Variants in PFKFB3 observed in about 807,000 individuals in gnomAD.
The protein encoded by PFKFB3 is 6-phosphofructo-2-kinase/fructose-2,6-biphosphatase 3, also known as 6-phosphofructo-2-kinase/fructose-2,6-bisphosphatase 3.
Under a neutral mutation model 68.0 loss-of-function variants are expected in PFKFB3, and 33 were observed. The ratio of observed to expected loss-of-function variants is 0.49; its 90% CI spans 0.37 to 0.65. The LOEUF is 0.65. Among genes scored for constraint, PFKFB3 ranks in the 30% least tolerant of loss-of-function variants. The pLI, the probability that PFKFB3 is intolerant of heterozygous loss-of-function variation, is 0.00. For missense variants in PFKFB3, 586 were observed against 712.2 expected, an observed-to-expected ratio of 0.82 and a Z score of 2.02; for synonymous variants, 315 against 288.2, an observed-to-expected ratio of 1.09 and a Z score of -0.94.
At chr10:6,316,685 C>T in the PFKFB3 span, among the ~76,000 whole-genome samples, 1 of 152,074 alleles carries the variant, frequency 6.6e-6, no homozygotes, top group African/African-American at 2.4e-5. Context: ...GCCATGTTGG[C>T]CAGGCTGGTC....
the PFKFB3 span, chr10:6,293,819 T>G: frequency 2.4e-6 from 1 of 408,178 alleles, no homozygotes; most frequent in South Asian, 2.1e-5. Flanking sequence ...TCACCATTGA[T>G]TTGGAGTACT....
At chr10:6,294,787 T>C in the PFKFB3 span, 1 of 152,482 alleles carries the variant, frequency 6.6e-6, no homozygotes, top group Non-Finnish European at 1.5e-5. Context: ...TTTTGATTCT[T>C]TCTTAGAGTT....
chr10:6,281,166 C>CATATATATATATATATAT, the PFKFB3 span, among the ~76,000 whole-genome samples: 648 of 84,504 alleles, frequency 7.7e-3, 34 homozygotes, highest in African/African-American at 0.018. Context: ...AGTATTCCAT[C>CATATATATATATATATAT]ATATATATAT....
At chr10:6,181,298 A>G (rs1359777263) in intron 1 of PFKFB3, among the ~76,000 whole-genome samples, 1 of 151,978 alleles carries the variant, frequency 6.6e-6, no homozygotes, top group African/African-American at 2.4e-5. Flanking sequence ...GATTATAGTC[A>G]TGAGCCTCTG....
At chr10:6,267,938 G>C in the PFKFB3 span, among the ~76,000 whole-genome samples, 1 of 125,504 alleles carries the variant, frequency 8.0e-6, no homozygotes, top group Middle Eastern at 5.9e-3. Flanking sequence ...CTGGGTGACA[G>C]AGCGAGACCC....
intron 1 of PFKFB3, among the ~76,000 whole-genome samples, chr10:6,159,875 C>G (rs1197138461): frequency 6.6e-6 from 1 of 151,766 alleles, no homozygotes; most frequent in Non-Finnish European, 1.5e-5. Flanking sequence ...CCCCCCACCT[C>G]AGCCTCCCCA....
At chr10:6,261,497 A>C in the PFKFB3 span, among the ~76,000 whole-genome samples, 1 of 152,246 alleles carries the variant, frequency 6.6e-6, no homozygotes, top group Non-Finnish European at 1.5e-5. Flanking sequence ...ATGGACACAA[A>C]GCAGGGAACT....
chr10:6,321,514 A>G, the PFKFB3 span, among the ~76,000 whole-genome samples: 31 of 152,168 alleles, frequency 2.0e-4, no homozygotes, highest in African/African-American at 7.5e-4. Flanking sequence ...AACCCCAGCC[A>G]TTGACCCTCA....
At chr10:6,155,496 A>G (rs10737048) in intron 1 of PFKFB3, among the ~76,000 whole-genome samples, 134,336 of 152,116 alleles carry the variant, frequency 0.88, 60,019 homozygotes, top group Non-Finnish European at 0.97. Context: ...GAGCCACCGC[A>G]CCTGGCCGAG....
intron 14 of PFKFB3, among the ~76,000 whole-genome samples, chr10:6,227,129 A>G (rs1310113394): frequency 1.3e-5 from 2 of 152,110 alleles, no homozygotes; most frequent in Non-Finnish European, 2.9e-5. Context: ...CACTTATTTC[A>G]TTAATTTTGA....
At chr10:6,218,631 C>T (rs1419743660) in intron 6 of PFKFB3, among the ~76,000 whole-genome samples, 1 of 152,104 alleles carries the variant, frequency 6.6e-6, no homozygotes, top group Admixed American at 6.6e-5. Flanking sequence ...GGGGGTTTCA[C>T]TGTGTTGGCC....
chr10:6,300,583 G>A, the PFKFB3 span, among the ~76,000 whole-genome samples: 549 of 152,292 alleles, frequency 3.6e-3, 5 homozygotes, highest in East Asian at 0.013. Flanking sequence ...GAACTGCTCC[G>A]AAACGGGAAC....
In PFKFB3 at chr10:6,207,320, G is replaced by A. The variant is rs181391489; in HGVS notation, c.76+3984G>A. On this transcript the variant is annotated intron_variant, in intron 1 of 14. Transcript: ENST00000379775. The stretch of plus-strand genomic sequence containing the variant: ...AGGCGTGGCGGCGCCTCCTGCAATC[G>A]CAGGCACTCGGCAGGCTGAGGCAGG... Among the ~76,000 whole-genome samples, 118 of 152,340 alleles carry A rather than the reference G, an allele frequency of 7.7e-4. 1 individual carries two copies. Among genetic ancestry groups the A allele is most frequent in the African/African-American group, 2.5e-3 (105 of 41,574 alleles).
chr10:6,228,626 GT>G lies in PFKFB3; in HGVS notation c.1515+2262del. ...TAAAGCCCCCTCCTGCCCCAGGAGT[GT>G]CCTTTGTTTTGGAAGGAAAACTTAC... On this transcript the variant is annotated intron_variant, in intron 14 of 14. Coordinates refer to ENST00000379775, the MANE Select transcript of PFKFB3 (RefSeq NM_004566.4). The surrounding 1 kb of genome is among the most constrained non-coding windows in gnomAD (Gnocchi z 4.5). Among the ~76,000 whole-genome samples the G allele has an allele frequency of 6.6e-6, 1 of 152,150 alleles. No individual in the cohort carries two copies. The highest frequency in any genetic ancestry group is 1.5e-5 in the Non-Finnish European group (1 of 68,034).
At chr10:6,317,609 G>A in the PFKFB3 span, among the ~76,000 whole-genome samples, 3 of 152,298 alleles carry the variant, frequency 2.0e-5, no homozygotes, top group African/African-American at 7.2e-5. Context: ...GGAGCGGAAG[G>A]CATTGGATGG....
chr10:6,160,081 T>A (rs1167158397), intron 1 of PFKFB3, among the ~76,000 whole-genome samples: 1 of 152,036 alleles, frequency 6.6e-6, no homozygotes, highest in African/African-American at 2.4e-5. Context: ...TAAAATAAAA[T>A]TAAAACAACT....
rs1844881009 is a variant in PFKFB3, at chr10:6,220,548, T to A, written c.624-110T>A. ...ATTCAGTCTGTGCCCTGGAGGGGCC[T>A]ACGGTCCCGCCTTGCTGTTCTCTGG... On this transcript the variant is annotated intron_variant, in intron 7 of 14. Coordinates refer to ENST00000379775, the MANE Select transcript of PFKFB3 (RefSeq NM_004566.4). The surrounding 1 kb of genome is among the most constrained non-coding windows in gnomAD (Gnocchi z 4.1). 1 of 952,296 alleles carries A rather than the reference T, an allele frequency of 1.1e-6. No homozygotes were observed. The highest frequency in any genetic ancestry group is 1.9e-5 in the Admixed American group (1 of 51,912). 59.0% of individuals were successfully genotyped at this position (952,296 alleles called of 1,614,324 possible). A position where few individuals can be genotyped will look rare whatever the true frequency, so the allele number is the denominator to read the frequency against.
intron 1 of PFKFB3, among the ~76,000 whole-genome samples, chr10:6,168,402 C>A (rs1319650750): frequency 2.0e-5 from 3 of 152,218 alleles, no homozygotes; most frequent in Admixed American, 6.5e-5. Context: ...GCCACCTCCA[C>A]CACTGAGTAG....
chr10:6,223,027 G>A, intron 11 of PFKFB3, 43 bp downstream of exon 11: 1 of 1,592,988 alleles, frequency 6.3e-7, no homozygotes, highest in Non-Finnish European at 8.6e-7. Flanking sequence ...GGGAGGAGGG[G>A]ACTGGCACTC....
Sources: allele counts gnomAD v4.1 joint callset (sites outside exome capture counted in the v4.1 genomes callset), GRCh38; gene constraint gnomAD v4.1.1; non-coding constraint Gnocchi (gnomAD v3.1); transcripts MANE v1.5; gene names NCBI Gene and HGNC (gene_info 2026-07-23, HGNC 2026-07-21).